The following DCAF6 variants were observed in gnomAD, a reference collection of about 807,000 sequenced individuals.
DCAF6 encodes DDB1 and CUL4 associated factor 6.
In DCAF6, 54 loss-of-function variants were observed where a neutral mutation model predicts 125.1. The observed-to-expected ratio is 0.43, with a 90% CI of 0.35 to 0.54. The LOEUF (loss-of-function observed/expected upper bound fraction) is 0.54. DCAF6 is among the 20% of genes least tolerant of loss of function. The probability of loss-of-function intolerance (pLI) is 0.01; values close to 1 mark genes in which losing one functional copy is unlikely to be tolerated. For missense variants in DCAF6, 934 were observed against 1,161.7 expected (o/e 0.80, Z 2.85); for synonymous variants, 371 against 390.4 (o/e 0.95, Z 0.58).
chr1:167,983,871 T>G (rs1017105418), intron 4 of DCAF6, among the ~76,000 whole-genome samples: 1 of 152,196 alleles, frequency 6.6e-6, no homozygotes, highest in Non-Finnish European at 1.5e-5. Context: ...GTCAGATTCA[T>G]GTAAGTCCTT....
the DCAF6 span, chr1:167,905,103 A>G: frequency 1.2e-6 from 2 of 1,614,082 alleles, no homozygotes; most frequent in Admixed American, 1.7e-5. Context: ...TATTCTGACT[A>G]TGGGCCAGTC....
intron 1 of DCAF6, among the ~76,000 whole-genome samples, chr1:167,948,261 T>G (rs1032729840): frequency 2.6e-5 from 4 of 152,162 alleles, no homozygotes; most frequent in African/African-American, 9.7e-5. Context: ...TACACTGTAT[T>G]TGTCTGGTGA....
At chr1:167,976,451 G>A (rs760275833) in intron 4 of DCAF6, among the ~76,000 whole-genome samples, 3 of 152,160 alleles carry the variant, frequency 2.0e-5, no homozygotes, top group Admixed American at 6.5e-5. Context: ...CAACCTGGGC[G>A]ACAGAGTGAG....
chr1:167,935,767 G>A (rs1190828139), upstream of DCAF6: 1 of 1,565,486 alleles, frequency 6.4e-7, no homozygotes, highest in African/African-American at 1.4e-5. Context: ...TCAATTTCTC[G>A]GGCAGCATCA....
the DCAF6 span, among the ~76,000 whole-genome samples, chr1:167,903,655 C>T: frequency 6.6e-6 from 1 of 152,100 alleles, no homozygotes; most frequent in Non-Finnish European, 1.5e-5. Flanking sequence ...TATAATTCAG[C>T]CCTCTAACAC....
chr1:168,025,114 G>C (rs1215086209), intron 12 of DCAF6, among the ~76,000 whole-genome samples: 1 of 151,910 alleles, frequency 6.6e-6, no homozygotes, highest in African/African-American at 2.4e-5. Flanking sequence ...AGGATATATG[G>C]ATTTAATAAT....
At chr1:167,997,295 A>G (rs1007351444) in intron 7 of DCAF6, among the ~76,000 whole-genome samples, 7 of 152,222 alleles carry the variant, frequency 4.6e-5, no homozygotes, top group African/African-American at 1.7e-4. Flanking sequence ...GAAACCATGA[A>G]GCAAGATTCT....
In DCAF6 at chr1:167,991,321, C is replaced by G; in HGVS notation, c.670C>G (p.Leu224Val). 3 of 1,612,110 alleles carry G rather than the reference C, an allele frequency of 1.9e-6. No individual in the cohort carries two copies. Among genetic ancestry groups the G allele is most frequent in the Non-Finnish European group, 1.7e-6 (2 of 1,179,070 alleles). The part of the protein sequence containing the change: ...SSVRIYDRRM[L>V]GTRATGNYAG... ...AGTACGAATATATGATCGGCGAATG[C>G]TGGGCACAAGAGCTACAGGTAAGAA... The change falls in exon 6 of 22, where the codon CTG becomes GTG. Residue 224 changes from leucine to valine, a missense_variant. By Grantham distance (32) the Leu-to-Val change is conservative (BLOSUM62 1). This residue lies in a region of DCAF6 where 309 missense variants were observed against 381.2 expected (regional missense o/e 0.81). Coordinates refer to ENST00000367840, the MANE Select transcript of DCAF6 (RefSeq NM_001198956.2).
the DCAF6 span, among the ~76,000 whole-genome samples, chr1:167,871,137 G>T: frequency 2.6e-5 from 4 of 151,786 alleles, no homozygotes; most frequent in Non-Finnish European, 1.5e-5. Context: ...ATTACATTAG[G>T]AAATAAATTT....
chr1:168,042,505 A>C (rs1688668715), intron 13 of DCAF6, among the ~76,000 whole-genome samples: 1 of 151,964 alleles, frequency 6.6e-6, no homozygotes, highest in South Asian at 2.1e-4. Context: ...CAGAACTATG[A>C]TGCTCAGTCA....
At chr1:168,011,177 C>T (rs1296017984) in intron 10 of DCAF6, among the ~76,000 whole-genome samples, 6 of 134,816 alleles carry the variant, frequency 4.5e-5, no homozygotes, top group Admixed American at 4.2e-4. Flanking sequence ...AGTGCAGTGG[C>T]GCGACCTCGG....
chr1:168,041,674 A>G (rs1243826260), intron 13 of DCAF6, among the ~76,000 whole-genome samples: 2 of 151,994 alleles, frequency 1.3e-5, no homozygotes, highest in African/African-American at 4.8e-5. Context: ...TATGTTAAAT[A>G]TATTTACTCG....
the DCAF6 span, among the ~76,000 whole-genome samples, chr1:167,929,123 C>T: frequency 1.7e-4 from 26 of 151,076 alleles, no homozygotes; most frequent in Admixed American, 4.6e-4. Context: ...GTTTGGGAGG[C>T]GGAGGTGGGC....
chr1:168,004,943 CAA>C, intron 10 of DCAF6, 150 bp downstream of exon 10: 1 of 841,928 alleles, frequency 1.2e-6, no homozygotes, highest in Non-Finnish European at 1.7e-6. Flanking sequence ...AACTTAAACA[CAA>C]AAATTAATTA....
chr1:167,885,992 G>A, the DCAF6 span, among the ~76,000 whole-genome samples: 9,523 of 152,142 alleles, frequency 0.063, 382 homozygotes, highest in Middle Eastern at 0.12. Context: ...CTTATATAGG[G>A]ATGTGAAGGA....
chr1:167,901,809 CAG>C, the DCAF6 span: 1 of 1,614,200 alleles, frequency 6.2e-7, no homozygotes, highest in Non-Finnish European at 8.5e-7. Flanking sequence ...GCATCACCTT[CAG>C]AGAGAGACAT....
intron 11 of DCAF6, among the ~76,000 whole-genome samples, chr1:168,018,084 A>C (rs751122562): frequency 7.9e-5 from 12 of 152,234 alleles, no homozygotes; most frequent in Non-Finnish European, 1.5e-4. Flanking sequence ...ACTCATGGGA[A>C]TATTCTGTGA....
the DCAF6 span, among the ~76,000 whole-genome samples, chr1:167,899,122 C>T: frequency 1.3e-5 from 2 of 152,146 alleles, no homozygotes; most frequent in Non-Finnish European, 1.5e-5. Context: ...CTGGATGAAC[C>T]GGCAGACCCT....
chr1:168,036,089 A>G (rs1687770626), intron 12 of DCAF6, among the ~76,000 whole-genome samples: 1 of 151,994 alleles, frequency 6.6e-6, no homozygotes. Context: ...AACAAAACAA[A>G]AAAACTTTGT....
Sources: allele counts gnomAD v4.1 joint callset (sites outside exome capture counted in the v4.1 genomes callset), GRCh38; gene constraint gnomAD v4.1.1; regional missense constraint gnomAD v4.1.1; transcripts MANE v1.5; gene names NCBI Gene and HGNC (gene_info 2026-07-23, HGNC 2026-07-21).